SCAPER: variants seen among roughly 807,000 people sequenced by gnomAD.
The protein encoded by SCAPER is S-phase cyclin A associated protein in the ER, also known as S phase cyclin A-associated protein in the endoplasmic reticulum.
Under a neutral mutation model 182.2 loss-of-function variants are expected in SCAPER, and 98 were observed. The observed-to-expected ratio is 0.54, with a 90% CI of 0.46 to 0.64. SCAPER has a LOEUF of 0.64. Among genes scored for constraint, SCAPER ranks in the 30% least tolerant of loss-of-function variants. The pLI is 0.00. For missense variants in SCAPER, 1,432 were observed against 1,690.0 expected, an observed-to-expected ratio of 0.85 and a Z score of 2.68; for synonymous variants, 605 against 564.6, an observed-to-expected ratio of 1.07 and a Z score of -1.01.
At chr15:76,467,662 A>G (rs2049796701) in intron 25 of SCAPER, among the ~76,000 whole-genome samples, 1 of 152,156 alleles carries the variant, frequency 6.6e-6, no homozygotes, top group African/African-American at 2.4e-5. Context: ...TAGGTACTCT[A>G]CTAGGTTGTC....
chr15:76,716,843 G>C (rs1178429774), intron 17 of SCAPER, among the ~76,000 whole-genome samples: 7 of 151,856 alleles, frequency 4.6e-5, no homozygotes, highest in African/African-American at 1.7e-4. Flanking sequence ...AAACAGAAAA[G>C]GTTTATATAA....
chr15:76,452,205 T>C (rs2048412929), intron 25 of SCAPER, among the ~76,000 whole-genome samples: 2 of 152,216 alleles, frequency 1.3e-5, no homozygotes, highest in South Asian at 2.1e-4. Context: ...AAACAGCAGT[T>C]ACCAAGTCTT....
At chr15:76,801,913 GA>G (rs756923499) in intron 6 of SCAPER, among the ~76,000 whole-genome samples, 220 of 139,774 alleles carry the variant, frequency 1.6e-3, no homozygotes, top group Middle Eastern at 3.7e-3. Context: ...TGTCTCCAAG[GA>G]AAAAAAAAAA....
chr15:76,672,997 G>GA (rs976457885), intron 20 of SCAPER, among the ~76,000 whole-genome samples: 5 of 151,802 alleles, frequency 3.3e-5, no homozygotes, highest in African/African-American at 7.3e-5. Context: ...CACTTACAAG[G>GA]AAAAAAACTG....
rs772680629 is a variant in SCAPER, at chr15:76,597,460, T to G, written c.2712-23176A>C. ...CAGAATTAGAAAAAACTACTTTAAA[T>G]TTCATATGGAACCAAAAAAGAGCCT... On this transcript the variant is annotated intron_variant, in intron 22 of 31. Transcript: ENST00000563290. 9.1e-5 allele frequency among the ~76,000 whole-genome samples: 11 copies of G among 120,294 alleles called. 3 individuals are homozygous for G. The highest frequency in any genetic ancestry group is 2.0e-4 in the Non-Finnish European group (10 of 49,490). The allele number at this position is 120,294 out of a possible 152,430, so 78.9% of individuals were successfully genotyped here.
chr15:76,838,068 A>G (rs1431330756), intron 5 of SCAPER, among the ~76,000 whole-genome samples: 1 of 152,202 alleles, frequency 6.6e-6, no homozygotes, highest in Admixed American at 6.5e-5. Context: ...CCAAAGGAAC[A>G]TAAACTGCTC....
chr15:76,351,420 T>A, intron 30 of SCAPER, 132 bp from the exon 31 acceptor site: 1 of 638,416 alleles, frequency 1.6e-6, no homozygotes, highest in Non-Finnish European at 2.5e-6. Flanking sequence ...ATATAAACGC[T>A]GAAGAAACTG....
chr15:76,488,613 G>T (rs186920146), intron 24 of SCAPER, among the ~76,000 whole-genome samples: 4 of 150,356 alleles, frequency 2.7e-5, no homozygotes, highest in Non-Finnish European at 5.9e-5. Context: ...GCAGTCATTT[G>T]CTTGTCTGAA....
intron 20 of SCAPER, among the ~76,000 whole-genome samples, chr15:76,675,574 T>G (rs1480069727): frequency 1.3e-5 from 2 of 152,148 alleles, no homozygotes; most frequent in Non-Finnish European, 2.9e-5. Flanking sequence ...TAAGTAACAA[T>G]GCTGACAAAA....
intron 21 of SCAPER, among the ~76,000 whole-genome samples, chr15:76,623,142 T>A (rs536361733): frequency 7.0e-4 from 107 of 152,364 alleles, no homozygotes; most frequent in Non-Finnish European, 1.4e-3. Context: ...TTATAGATTC[T>A]GGATATTAAA....
At chr15:76,430,084 C>T (rs562231364) in intron 26 of SCAPER, among the ~76,000 whole-genome samples, 1 of 152,318 alleles carries the variant, frequency 6.6e-6, no homozygotes, top group East Asian at 1.9e-4. Context: ...CAAGCCTTGG[C>T]AGCTTCCATG....
At chr15:76,465,345 A>G (rs1596790561) in intron 25 of SCAPER, among the ~76,000 whole-genome samples, 1 of 152,040 alleles carries the variant, frequency 6.6e-6, no homozygotes, top group African/African-American at 2.4e-5. Flanking sequence ...AGGGTTCTGA[A>G]AGTATTCATG....
At chr15:76,643,894 T>C (rs560297684) in intron 21 of SCAPER, among the ~76,000 whole-genome samples, 2 of 152,236 alleles carry the variant, frequency 1.3e-5, no homozygotes, top group Admixed American at 1.3e-4. Context: ...CAGAAATCAA[T>C]AGGCTGAAGG....
intron 26 of SCAPER, among the ~76,000 whole-genome samples, chr15:76,425,382 A>C (rs1237222266): frequency 6.6e-6 from 1 of 152,088 alleles, no homozygotes; most frequent in Non-Finnish European, 1.5e-5. Flanking sequence ...TCAATCACTG[A>C]TACCCTTTCT....
chr15:76,886,366 G>A (rs928775378), intron 1 of SCAPER, among the ~76,000 whole-genome samples: 10 of 152,162 alleles, frequency 6.6e-5, no homozygotes, highest in African/African-American at 2.4e-4. Context: ...TGTAATCCCA[G>A]CTACTTGGGA....
chr15:76,661,010 T>C (rs1320518173), intron 21 of SCAPER, among the ~76,000 whole-genome samples: 1 of 152,058 alleles, frequency 6.6e-6, no homozygotes, highest in Non-Finnish European at 1.5e-5. Context: ...TCACAAAACA[T>C]TACTGAAATT....
intron 20 of SCAPER, among the ~76,000 whole-genome samples, chr15:76,669,224 A>ACAT (rs2056839625): frequency 6.6e-6 from 1 of 151,752 alleles, no homozygotes; most frequent in Non-Finnish European, 1.5e-5. Flanking sequence ...AGCAGCAACA[A>ACAT]CAACAACAAC....
At chr15:76,437,690 T>C (rs981488952) in intron 25 of SCAPER, among the ~76,000 whole-genome samples, 2 of 152,230 alleles carry the variant, frequency 1.3e-5, no homozygotes, top group African/African-American at 2.4e-5. Context: ...TATGTATGCA[T>C]GTCATATTTA....
chr15:76,815,447 G>A (rs1044543355), intron 5 of SCAPER, among the ~76,000 whole-genome samples: 2 of 152,174 alleles, frequency 1.3e-5, no homozygotes, highest in Non-Finnish European at 2.9e-5. Context: ...CTTAACAACA[G>A]AGATATACTG....
Sources: gnomAD v4.1 joint callset for allele counts (sites outside exome capture counted in the v4.1 genomes callset) on GRCh38, gnomAD v4.1.1 for gene constraint, MANE v1.5 for transcripts, NCBI Gene and HGNC (gene_info 2026-07-23, HGNC 2026-07-21) for gene names.